Variants in MRTFB observed in about 807,000 individuals in gnomAD.
MRTFB encodes myocardin related transcription factor B, also known as myocardin-related transcription factor B.
MRTFB carries 29 observed loss-of-function variants against 104.2 expected under a neutral mutation model. That is an observed-to-expected ratio of 0.28 (90% CI 0.21 to 0.38). MRTFB has a LOEUF of 0.38. Among genes scored for constraint, MRTFB ranks in the 10% least tolerant of loss-of-function variants. MRTFB has a pLI of 1.00. For missense variants in MRTFB, 1,270 were observed against 1,341.6 expected, an observed-to-expected ratio of 0.95 and a Z score of 0.83; for synonymous variants, 535 against 519.5, an observed-to-expected ratio of 1.03 and a Z score of -0.41.
At chr16:14,019,987 C>T in the MRTFB span, among the ~76,000 whole-genome samples, 243 of 152,300 alleles carry the variant, frequency 1.6e-3, no homozygotes, top group African/African-American at 4.9e-3. Context: ...TCACGTGAGA[C>T]GCTTATTAGG....
At chr16:14,090,855 A>G (rs2035014281) in intron 2 of MRTFB, among the ~76,000 whole-genome samples, 2 of 149,212 alleles carry the variant, frequency 1.3e-5, no homozygotes, top group Admixed American at 1.3e-4. Context: ...TAATTTTTTC[A>G]GGTTTTCAAA....
At chr16:14,102,359 C>T (rs1444344931) in intron 2 of MRTFB, among the ~76,000 whole-genome samples, 2 of 152,126 alleles carry the variant, frequency 1.3e-5, no homozygotes, top group East Asian at 1.9e-4. Context: ...GGCTTAACGT[C>T]GCCTCTTCAT....
chr16:14,249,963 G>C (rs765956349), intron 13 of MRTFB, among the ~76,000 whole-genome samples: 3 of 152,170 alleles, frequency 2.0e-5, no homozygotes, highest in Non-Finnish European at 2.9e-5. Context: ...TCTGCGAGAG[G>C]AATCATGGTT....
At chr16:14,199,579 G>T (rs569005940) in intron 3 of MRTFB, among the ~76,000 whole-genome samples, 1 of 152,278 alleles carries the variant, frequency 6.6e-6, no homozygotes, top group African/African-American at 2.4e-5. Flanking sequence ...TGAAACCCAG[G>T]ATCATCTTTG....
At chr16:14,006,258 A>C in the MRTFB span, among the ~76,000 whole-genome samples, 1 of 152,040 alleles carries the variant, frequency 6.6e-6, no homozygotes, top group Non-Finnish European at 1.5e-5. Flanking sequence ...CAGGAGAACC[A>C]CTTGAAGCCG....
intron 3 of MRTFB, among the ~76,000 whole-genome samples, chr16:14,146,242 A>G (rs2038307703): frequency 1.3e-5 from 2 of 152,224 alleles, no homozygotes; most frequent in Non-Finnish European, 2.9e-5. Flanking sequence ...AATCAGTATC[A>G]TCTACCTCCC....
At chr16:14,106,782 G>A (rs531515420) in intron 2 of MRTFB, among the ~76,000 whole-genome samples, 1 of 152,184 alleles carries the variant, frequency 6.6e-6, no homozygotes, top group African/African-American at 2.4e-5. Context: ...TACCTAGTAT[G>A]AGGTCAGCAT....
the MRTFB span, among the ~76,000 whole-genome samples, chr16:14,043,209 G>A: frequency 1.3e-5 from 2 of 152,270 alleles, no homozygotes; most frequent in African/African-American, 4.8e-5. Flanking sequence ...TACATCTTAT[G>A]TCTGCTCACC....
the MRTFB span, among the ~76,000 whole-genome samples, chr16:14,059,292 C>T: frequency 1.9e-4 from 29 of 152,082 alleles, 1 homozygote; most frequent in African/African-American, 7.0e-4. Context: ...TTATAGTCAC[C>T]ATACAGTACT....
intron 8 of MRTFB, among the ~76,000 whole-genome samples, chr16:14,229,941 T>A (rs1274708035): frequency 6.6e-6 from 1 of 152,130 alleles, no homozygotes; most frequent in African/African-American, 2.4e-5. Flanking sequence ...ATTCAATCAT[T>A]TTGAAATTAA....
chr16:14,047,670 C>T, the MRTFB span, among the ~76,000 whole-genome samples: 57 of 152,252 alleles, frequency 3.7e-4, 1 homozygote, highest in Non-Finnish European at 1.0e-4. Flanking sequence ...AAGGGGAAAC[C>T]CCTTATAAAA....
At chr16:14,126,919 C>G (rs1414591817) in intron 2 of MRTFB, among the ~76,000 whole-genome samples, 2 of 152,160 alleles carry the variant, frequency 1.3e-5, no homozygotes, top group African/African-American at 4.8e-5. Context: ...AGGAAACAAC[C>G]GTAGCTAAAA....
At chr16:14,144,518 T>C (rs878913417) in intron 3 of MRTFB, 3 of 152,264 alleles carry the variant, frequency 2.0e-5, no homozygotes, top group Admixed American at 2.0e-4. Flanking sequence ...CAATGTATTG[T>C]ATTGAAAATT....
At chr16:14,143,577 T>C (rs1251506163) in intron 3 of MRTFB, 2 of 151,774 alleles carry the variant, frequency 1.3e-5, no homozygotes, top group African/African-American at 4.8e-5. Flanking sequence ...TAGTTACATA[T>C]GTATACATGC....
At chr16:14,240,780 C>T (rs775851509) in intron 10 of MRTFB, 1 of 762,850 alleles carries the variant, frequency 1.3e-6, no homozygotes, top group East Asian at 2.4e-5. Context: ...GTACTAGATG[C>T]TCTGAGAAAA....
At chr16:14,230,998 T>C (rs1244260898) in intron 8 of MRTFB, among the ~76,000 whole-genome samples, 5 of 151,440 alleles carry the variant, frequency 3.3e-5, no homozygotes, top group Non-Finnish European at 7.4e-5. Flanking sequence ...ATGGATGAAA[T>C]TGGAAATCAT....
intron 3 of MRTFB, among the ~76,000 whole-genome samples, chr16:14,159,953 G>C (rs115455806): frequency 2.6e-4 from 28 of 107,896 alleles, no homozygotes; most frequent in African/African-American, 1.1e-3. Context: ...AAAAAAAAAA[G>C]AATCATTTAC....
intron 10 of MRTFB, among the ~76,000 whole-genome samples, chr16:14,242,677 G>A (rs968637896): frequency 6.6e-6 from 1 of 152,148 alleles, no homozygotes; most frequent in African/African-American, 2.4e-5. Flanking sequence ...GGAGGTCCCC[G>A]AAGGCCACTG....
At chr16:14,025,483 G>T in the MRTFB span, among the ~76,000 whole-genome samples, 1 of 152,206 alleles carries the variant, frequency 6.6e-6, no homozygotes, top group African/African-American at 2.4e-5. Flanking sequence ...CACCTGGTAA[G>T]ATCTTGTTAG....
Sources: allele counts gnomAD v4.1 joint callset (sites outside exome capture counted in the v4.1 genomes callset), GRCh38; gene constraint gnomAD v4.1.1; transcripts MANE v1.5; gene names NCBI Gene and HGNC (gene_info 2026-07-23, HGNC 2026-07-21).